Variants in ATP8B1 observed in about 807,000 individuals in gnomAD.
The protein encoded by ATP8B1 is ATPase phospholipid transporting 8B1.
In ATP8B1, 80 loss-of-function variants were observed where a neutral mutation model predicts 149.9. The observed-to-expected ratio is 0.53, with a 90% CI of 0.45 to 0.64. ATP8B1 has a LOEUF of 0.64. Among genes scored for constraint, ATP8B1 ranks in the 30% least tolerant of loss-of-function variants. The probability of loss-of-function intolerance (pLI) is 0.00; values close to 1 mark genes in which losing one functional copy is unlikely to be tolerated. For missense variants in ATP8B1, 1,247 were observed against 1,552.6 expected (o/e 0.80, Z 3.31); for synonymous variants, 536 against 562.8 (o/e 0.95, Z 0.67).
chr18:57,734,657 G>T (rs1458732683), intron 1 of ATP8B1, among the ~76,000 whole-genome samples: 1 of 152,044 alleles, frequency 6.6e-6, no homozygotes, highest in African/African-American at 2.4e-5. Flanking sequence ...CTGTACTGTG[G>T]CACAGTTCTA....
intron 4 of ATP8B1, among the ~76,000 whole-genome samples, chr18:57,702,770 T>C (rs1913191273): frequency 1.3e-5 from 2 of 150,494 alleles, no homozygotes; most frequent in Non-Finnish European, 1.5e-5. Context: ...GGCAGGAGAA[T>C]AGCTTGAACC....
At chr18:57,711,663 G>A (rs921435328) in intron 2 of ATP8B1, among the ~76,000 whole-genome samples, 1 of 152,150 alleles carries the variant, frequency 6.6e-6, no homozygotes, top group Non-Finnish European at 1.5e-5. Flanking sequence ...CATGCTCATA[G>A]CTCACTGCAG....
chr18:57,766,658 G>A (rs1334778489), intron 1 of ATP8B1, among the ~76,000 whole-genome samples: 2 of 152,190 alleles, frequency 1.3e-5, no homozygotes, highest in African/African-American at 4.8e-5. Flanking sequence ...ACTGGGCTGG[G>A]GTCCAAGACT....
Position 57,756,653 on chromosome 18 carries a change from T to TTCTCTC in ATP8B1, c.-25-24827_-25-24822dup, listed in dbSNP as rs112851704. ...TGACATTAAAAGAATATGGTATTCC[T>TTCTCTC]TCTCTCTCTCTCTCTCTCTTTTTAA... On this transcript the variant is annotated intron_variant, in intron 1 of 27. Transcript: ENST00000648908. Among the ~76,000 whole-genome samples the TTCTCTC allele has an allele frequency of 2.5e-3, 367 of 149,304 alleles. 2 individuals are homozygous for TTCTCTC. The highest frequency in any genetic ancestry group is 7.3e-3 in the African/African-American group (297 of 40,596).
chr18:57,671,589 AAAAG>A lies in ATP8B1; in HGVS notation c.1820-13_1820-10del. On this transcript the variant is annotated splice_polypyrimidine_tract_variant and intron_variant, in intron 16 of 27. Transcript: ENST00000648908. The stretch of plus-strand genomic sequence containing the variant: ...GCCTTCTGGGGTTCTTACTGGTAGT[AAAAG>A]AAGGAAATAAACACAACAAAGTTTG... 6.3e-7 allele frequency: 1 copy of A among 1,575,862 alleles called. No individual in the cohort carries two copies.
chr18:57,767,648 G>T (rs1179370731), intron 1 of ATP8B1, among the ~76,000 whole-genome samples: 2 of 152,072 alleles, frequency 1.3e-5, no homozygotes, highest in Non-Finnish European at 2.9e-5. Flanking sequence ...AATTAACCAG[G>T]CTTGGTGGTG....
chr18:57,707,520 T>TA (rs1349996064), intron 2 of ATP8B1, among the ~76,000 whole-genome samples: 2 of 152,016 alleles, frequency 1.3e-5, no homozygotes, highest in South Asian at 2.1e-4. Flanking sequence ...CACTTGAAAG[T>TA]AAAAAATTAC....
chr18:57,748,049 A>G (rs2079980753), intron 1 of ATP8B1, among the ~76,000 whole-genome samples: 1 of 152,172 alleles, frequency 6.6e-6, no homozygotes. Context: ...GTCAAATATA[A>G]GGAGTGTGTC....
In ATP8B1 at chr18:57,755,725, A is replaced by T. The variant is rs564624587; in HGVS notation, c.-25-23893T>A. The stretch of plus-strand genomic sequence containing the variant: ...TTTTAACTGTTTAAAAAGCGGTTAG[A>T]GGTGATCAATATTCTAATTGTTTCC... On this transcript the variant is annotated intron_variant, in intron 1 of 27. Coordinates refer to ENST00000648908, the MANE Select transcript of ATP8B1 (RefSeq NM_001374385.1). Among the ~76,000 whole-genome samples, 136 of 152,300 alleles carry T rather than the reference A, an allele frequency of 8.9e-4. 1 individual carries two copies. The South Asian group carries it at 0.012, about 13-fold the overall frequency.
At chr18:57,780,567 C>T (rs530763720) in intron 1 of ATP8B1, among the ~76,000 whole-genome samples, 2 of 152,224 alleles carry the variant, frequency 1.3e-5, no homozygotes, top group African/African-American at 2.4e-5. Context: ...GAAAGGAAAT[C>T]GTAACTACTT....
Position 57,691,175 on chromosome 18 carries a change from C to CAA in ATP8B1, c.1220+630_1220+631dup, listed in dbSNP as rs530091842. Among the ~76,000 whole-genome samples, 14 of 58,862 alleles carry CAA rather than the reference C, an allele frequency of 2.4e-4. No homozygotes were observed. The South Asian group carries it at 2.4e-3, about 10-fold the overall frequency. The allele number at this position is 58,862 out of a possible 152,430, so 38.6% of individuals were successfully genotyped here. Reference sequence around the variant, plus strand: ...GGGCAACAAGAGTGAAACTCCATCTCAAAAAAAAAAAAAAAAAAAGTAAAA... The same window carrying CAA: ...GGGCAACAAGAGTGAAACTCCATCTCAAAAAAAAAAAAAAAAAAAAAGTAAAA... On this transcript the variant is annotated intron_variant, in intron 12 of 27. Coordinates refer to ENST00000648908, the MANE Select transcript of ATP8B1 (RefSeq NM_001374385.1).
chr18:57,666,970 G>T, intron 20 of ATP8B1, 122 bp downstream of exon 20: 1 of 869,318 alleles, frequency 1.2e-6, no homozygotes, highest in Non-Finnish European at 1.9e-6. Context: ...TTAAACATGA[G>T]GAAACTGCCC....
At position 57,684,076 on chromosome 18, in the gene ATP8B1, CAAG is replaced by C. The variant is rs756395915; in HGVS notation, c.1587_1589del (p.Phe529del). The C allele has an allele frequency of 1.9e-5, 31 of 1,613,998 alleles. No homozygotes were observed. The highest frequency in any genetic ancestry group is 4.5e-5 in the East Asian group (2 of 44,890). ...CCATGACTGTGTGGCAAACTGCGAG[CAAG>C]AAGAAGAACTGTCGTACTTCTGGCT... On this transcript the variant is annotated inframe_deletion, in exon 15 of 28. Coordinates refer to ENST00000648908, the MANE Select transcript of ATP8B1 (RefSeq NM_001374385.1).
chr18:57,700,563 T>A (rs962647676), intron 6 of ATP8B1, among the ~76,000 whole-genome samples: 40 of 152,340 alleles, frequency 2.6e-4, no homozygotes, highest in African/African-American at 5.0e-4. Context: ...AAAATAGTCA[T>A]CTTTTTATCT....
chr18:57,773,214 A>G lies in ATP8B1; in HGVS notation c.-26+29784T>C, dbSNP rs1187128621. Among the ~76,000 whole-genome samples, 5 of 151,294 alleles carry G rather than the reference A, an allele frequency of 3.3e-5. 1 individual carries two copies. Among genetic ancestry groups the G allele is most frequent in the Admixed American group, 6.6e-5 (1 of 15,186 alleles). ...GAGACTCTGTCTTAAAAAAAAAAAAAAAAAGAAAAGAAAGAAATGATAACC... is the reference window on the plus strand; with the variant it reads ...GAGACTCTGTCTTAAAAAAAAAAAAGAAAAGAAAAGAAAGAAATGATAACC... On this transcript the variant is annotated intron_variant, in intron 1 of 27. Coordinates refer to ENST00000648908, the MANE Select transcript of ATP8B1 (RefSeq NM_001374385.1).
intron 16 of ATP8B1, among the ~76,000 whole-genome samples, chr18:57,672,753 C>A (rs1911280444): frequency 6.7e-6 from 1 of 149,976 alleles, no homozygotes; most frequent in African/African-American, 2.5e-5. Flanking sequence ...GTAATCCCAG[C>A]TACTCAGAAG....
In ATP8B1 at chr18:57,694,503, T is replaced by G. The variant is rs1599124123; in HGVS notation, c.1029+79A>C. On this transcript the variant is annotated intron_variant, in intron 11 of 27. Coordinates refer to ENST00000648908, the MANE Select transcript of ATP8B1 (RefSeq NM_001374385.1). ...TTCCACCTAAAGAGGTAAGATTTTG[T>G]ATTAGAAAAACATACGATAATATTA... is the stretch of plus-strand genomic sequence containing the variant. The G allele has an allele frequency of 4.0e-6, 4 of 1,002,094 alleles. No homozygotes were observed. In the East Asian group the frequency reaches 1.0e-4, roughly 26 times the overall value. The allele number at this position is 1,002,094 out of a possible 1,614,324, so 62.1% of individuals were successfully genotyped here.
At chr18:57,759,567 C>G (rs140622525) in intron 1 of ATP8B1, among the ~76,000 whole-genome samples, 1 of 151,516 alleles carries the variant, frequency 6.6e-6, no homozygotes, top group Non-Finnish European at 1.5e-5. Context: ...CCCAGCACTT[C>G]GGGAGGCTGA....
At chr18:57,717,391 CA>C in intron 2 of ATP8B1, among the ~76,000 whole-genome samples, 1 of 150,686 alleles carries the variant, frequency 6.6e-6, no homozygotes, top group Non-Finnish European at 1.5e-5. Context: ...TAAAAAAATA[CA>C]AAAAACTTAG....
Sources: allele counts gnomAD v4.1 joint callset (sites outside exome capture counted in the v4.1 genomes callset), GRCh38; gene constraint gnomAD v4.1.1; transcripts MANE v1.5; gene names NCBI Gene and HGNC (gene_info 2026-07-23, HGNC 2026-07-21).